The following SLIT2 variants were observed in gnomAD, a reference collection of about 807,000 sequenced individuals.
SLIT2 encodes the protein slit homolog 2 protein.
A neutral mutation model predicts 185.7 loss-of-function variants in SLIT2; 41 were observed. The observed-to-expected ratio is 0.22, with a 90% CI of 0.17 to 0.29. The LOEUF is 0.29. Ranked by LOEUF, SLIT2 falls within the 10% of genes least tolerant of loss-of-function variation. The pLI is 1.00. For synonymous variants in SLIT2, 693 were observed against 680.2 expected (o/e 1.02, Z -0.29); for missense variants, 1,571 against 1,909.0 (o/e 0.82, Z 3.30).
rs942381372 is a variant in SLIT2 at position 20,348,144 on chromosome 4, A to G, written c.395+79263A>G. Among the ~76,000 whole-genome samples, 3 of 152,188 alleles carry G rather than the reference A, an allele frequency of 2.0e-5. No homozygotes were observed. The South Asian group carries it at 6.2e-4, about 32-fold the overall frequency. ...TGACTAAAGTTTTTAATTTTAATTC[A>G]TAAGTTTTCAGAGTTTAGTGAGCAA... On this transcript the variant is annotated intron_variant, in intron 4 of 36. Transcript: ENST00000504154.
chr4:20,612,447 C>T lies in SLIT2; in HGVS notation c.3847+2280C>T, dbSNP rs992922887. On this transcript the variant is annotated intron_variant, in intron 34 of 36. Coordinates refer to ENST00000504154, the MANE Select transcript of SLIT2 (RefSeq NM_004787.4). Reference sequence around the variant, plus strand: ...TCAAGGAAACCACTTTCATCCCAGTCCCACTGCCAGAGATCACCATGGGCC... The same window carrying T: ...TCAAGGAAACCACTTTCATCCCAGTTCCACTGCCAGAGATCACCATGGGCC... 3.2e-4 allele frequency among the ~76,000 whole-genome samples: 48 copies of T among 152,228 alleles called. 1 individual carries two copies. The highest frequency in any genetic ancestry group is 1.6e-4 in the Non-Finnish European group (11 of 68,022).
At chr4:20,614,411 TTGATTGATTGATTGGC>T (rs1560241763) in intron 34 of SLIT2, among the ~76,000 whole-genome samples, 3 of 152,046 alleles carry the variant, frequency 2.0e-5, no homozygotes, top group Non-Finnish European at 4.4e-5. Flanking sequence ...TATCTGTTGG[TTGATTGATTGATTGGC>T]TGATTGATTG....
At chr4:20,305,057 C>G (rs1243221059) in intron 4 of SLIT2, among the ~76,000 whole-genome samples, 2 of 152,198 alleles carry the variant, frequency 1.3e-5, no homozygotes, top group Non-Finnish European at 2.9e-5. Context: ...ATTTTTACTG[C>G]ATTTTGGCAA....
Position 20,252,786 on chromosome 4 carries a change from C to T in SLIT2, c.-1030C>T, listed in dbSNP as rs552617740. The stretch of plus-strand genomic sequence containing the variant: ...GCCCACCTGCCACCGAGCCATTCTC[C>T]AGTACGCCCCAGCAGGACGCTGACA... On this transcript the variant is annotated 5_prime_UTR_variant, in exon 1 of 37. Coordinates refer to ENST00000504154, the MANE Select transcript of SLIT2 (RefSeq NM_004787.4). 5.3e-4 allele frequency among the ~76,000 whole-genome samples: 81 copies of T among 152,336 alleles called. No homozygotes were observed. The highest frequency in any genetic ancestry group is 1.5e-3 in the African/African-American group (61 of 41,584).
chr4:20,583,640 C>T (rs778746230), intron 29 of SLIT2, among the ~76,000 whole-genome samples: 1 of 151,966 alleles, frequency 6.6e-6, no homozygotes. Context: ...GACACCTCAT[C>T]TCTACTAAAA....
rs1467870557 is a variant in SLIT2, at chr4:20,254,852, G to C, written c.179+858G>C. 1 of 446,956 alleles carries C rather than the reference G, an allele frequency of 2.2e-6. No homozygotes were observed. Among genetic ancestry groups the C allele is most frequent in the Non-Finnish European group, 4.5e-6 (1 of 221,960 alleles). 27.7% of individuals were successfully genotyped at this position (446,956 alleles called of 1,614,324 possible). A position where few individuals can be genotyped will look rare whatever the true frequency, so the allele number is the denominator to read the frequency against. On this transcript the variant is annotated intron_variant, in intron 1 of 36. Transcript: ENST00000504154. The surrounding 1 kb of genome is among the most constrained non-coding windows in gnomAD (Gnocchi z 5.1). ...TCTGGCAGTTTCTGCGCCCCTTCAC[G>C]TGGCAGCAGTTCCCCTGCCTTCCCC...
At chr4:20,577,506 T>C (rs12647264) in intron 29 of SLIT2, among the ~76,000 whole-genome samples, 6,492 of 152,312 alleles carry the variant, frequency 0.043, 209 homozygotes, top group East Asian at 0.14. Context: ...CATCTGTTAA[T>C]GGCTAATGTA....
rs1729977644 is a variant in SLIT2 at position 20,620,195 on chromosome 4, A to T, written c.*1186A>T. 1 of 305,064 alleles carries T rather than the reference A, an allele frequency of 3.3e-6. No homozygotes were observed. Among genetic ancestry groups the T allele is most frequent in the South Asian group, 2.9e-5 (1 of 34,508 alleles). 18.9% of individuals were successfully genotyped at this position (305,064 alleles called of 1,614,324 possible). A position where few individuals can be genotyped will look rare whatever the true frequency, so the allele number is the denominator to read the frequency against. Reference sequence around the variant, plus strand: ...TAGAAAGTAGACCTTTTGCAAATTAATATGTCCTTGACCTTTTTTGCCCTT... The same window carrying T: ...TAGAAAGTAGACCTTTTGCAAATTATTATGTCCTTGACCTTTTTTGCCCTT... On this transcript the variant is annotated 3_prime_UTR_variant, in exon 37 of 37. Coordinates refer to ENST00000504154, the MANE Select transcript of SLIT2 (RefSeq NM_004787.4).
intron 4 of SLIT2, 94 bp from the exon 5 acceptor site, chr4:20,467,658 T>C: frequency 1.5e-6 from 1 of 665,262 alleles, no homozygotes; most frequent in Non-Finnish European, 2.5e-6. Flanking sequence ...TTCTTTTTTC[T>C]TTCTGGTGTC....
At chr4:20,305,882 A>G (rs1188483549) in intron 4 of SLIT2, among the ~76,000 whole-genome samples, 1 of 43,770 alleles carries the variant, frequency 2.3e-5, no homozygotes, top group Non-Finnish European at 4.8e-5. Context: ...AAATAATAAT[A>G]ATAATAATAA....
At chr4:20,463,448 G>GATAT (rs56256520) in intron 4 of SLIT2, among the ~76,000 whole-genome samples, 1,670 of 66,620 alleles carry the variant, frequency 0.025, 20 homozygotes, top group Non-Finnish European at 0.031. Context: ...CTCAAACTGT[G>GATAT]ATATATATAT....
At chr4:20,544,528 G>C (rs1723086947) in intron 21 of SLIT2, among the ~76,000 whole-genome samples, 2 of 152,094 alleles carry the variant, frequency 1.3e-5, no homozygotes, top group Admixed American at 1.3e-4. Flanking sequence ...TCATAGAGAT[G>C]AGAAAAATAT....
chr4:20,269,989 G>A (rs973043788), intron 4 of SLIT2, among the ~76,000 whole-genome samples: 1 of 151,674 alleles, frequency 6.6e-6, no homozygotes, highest in South Asian at 2.1e-4. Context: ...GTTCCTCTAA[G>A]GATAGCTAAA....
intron 4 of SLIT2, among the ~76,000 whole-genome samples, chr4:20,411,103 G>A (rs1450640858): frequency 6.6e-6 from 1 of 152,122 alleles, no homozygotes; most frequent in Non-Finnish European, 1.5e-5. Flanking sequence ...GCAGTGGTTT[G>A]TAGTTCTCTT....
At position 20,618,879 on chromosome 4, in the gene SLIT2, C is replaced by T. The variant is rs1263617161; in HGVS notation, c.4460C>T (p.Ala1487Val). Reference sequence around the variant, plus strand: ...CGATTAGAGTGCAGAGGTGGGTGTGCAGGAGGGCAGTGCTGTGGACCGCTG... The same window carrying T: ...CGATTAGAGTGCAGAGGTGGGTGTGTAGGAGGGCAGTGCTGTGGACCGCTG... The part of the protein sequence containing the change: ...VSRLECRGGC[A>V]GGQCCGPLRS... The change falls in exon 37 of 37, where the codon GCA becomes GTA. Residue 1487 changes from alanine (A) to valine (V), a missense_variant. By Grantham distance (64) the Ala-to-Val change is moderately conservative (BLOSUM62 0). Coordinates refer to ENST00000504154, the MANE Select transcript of SLIT2 (RefSeq NM_004787.4). The T allele has an allele frequency of 1.9e-6, 3 of 1,614,082 alleles. No homozygotes were observed. The South Asian group carries it at 3.3e-5, about 18-fold the overall frequency.
chr4:20,472,311 TATAG>T (rs1189131104), intron 5 of SLIT2, among the ~76,000 whole-genome samples: 1 of 26,464 alleles, frequency 3.8e-5, no homozygotes, highest in African/African-American at 2.3e-4. Flanking sequence ...TAGATCTATA[TATAG>T]ATATATATAT....
At chr4:20,453,100 A>T (rs373395135) in intron 4 of SLIT2, among the ~76,000 whole-genome samples, 9 of 152,200 alleles carry the variant, frequency 5.9e-5, no homozygotes, top group Admixed American at 4.6e-4. Context: ...TTAGCTTAAG[A>T]TTGCCTTTCA....
chr4:20,618,938 A>G lies in SLIT2; in HGVS notation c.4519A>G (p.Thr1507Ala). The change falls in exon 37 of 37, where the codon ACT becomes GCT. Residue 1507 changes from threonine to alanine, a missense_variant. Around this residue, in one of 3 missense-constraint regions of SLIT2, gnomAD observed 223 missense variants for 245.2 expected, o/e 0.91. Coordinates refer to ENST00000504154, the MANE Select transcript of SLIT2 (RefSeq NM_004787.4). ...GCGGCGGAAATACTCTTTCGAATGC[A>G]CTGACGGCTCCTCCTTTGTGGACGA... ...SKRRKYSFEC[T>A]DGSSFVDEVE... 1 of 1,614,154 alleles carries G rather than the reference A, an allele frequency of 6.2e-7. No homozygotes were observed. Among genetic ancestry groups the G allele is most frequent in the East Asian group, 2.2e-5 (1 of 44,850 alleles).
chr4:20,331,692 A>G (rs1577446807), intron 4 of SLIT2, among the ~76,000 whole-genome samples: 1 of 152,126 alleles, frequency 6.6e-6, no homozygotes, highest in African/African-American at 2.4e-5. Context: ...CGGTGGTTTT[A>G]TTATATTCAT....
Sources: gnomAD v4.1 joint callset for allele counts (sites outside exome capture counted in the v4.1 genomes callset) on GRCh38, gnomAD v4.1.1 for gene constraint, gnomAD v4.1.1 regional missense constraint, Gnocchi (gnomAD v3.1) non-coding constraint, MANE v1.5 for transcripts, NCBI Gene and HGNC (gene_info 2026-07-23, HGNC 2026-07-21) for gene names.